RAB22A: variants seen among roughly 807,000 people sequenced by gnomAD.
The protein encoded by RAB22A is RAB22A, member RAS oncogene family.
A neutral mutation model predicts 30.2 loss-of-function variants in RAB22A; 13 were observed. The observed-to-expected ratio is 0.43, with a 90% CI of 0.28 to 0.68. The LOEUF is 0.68. Ranked by LOEUF, RAB22A falls within the 30% of genes least tolerant of loss-of-function variation. The probability of loss-of-function intolerance (pLI) is 0.18; values close to 1 mark genes in which losing one functional copy is unlikely to be tolerated. For synonymous variants in RAB22A, 89 were observed against 87.2 expected, an observed-to-expected ratio of 1.02 and a Z score of -0.11; for missense variants, 177 against 246.8, an observed-to-expected ratio of 0.72 and a Z score of 1.89.
Position 58,353,101 on chromosome 20 carries a change from A to G in RAB22A, c.199-172A>G, listed in dbSNP as rs114219009. ...CTGAGAGACATTTCAGTGTTACATT[A>G]AAAGTTTTTGCCTTTGGTAATTACT... On this transcript the variant is annotated intron_variant, in intron 3 of 6. Coordinates refer to ENST00000244040, the MANE Select transcript of RAB22A (RefSeq NM_020673.3). Among the ~76,000 whole-genome samples, 1,421 of 152,352 alleles carry G rather than the reference A, an allele frequency of 9.3e-3. 22 individuals are homozygous for G. Among genetic ancestry groups the G allele is most frequent in the Middle Eastern group, 0.031 (9 of 294 alleles).
rs148348144 is a variant in RAB22A, at chr20:58,339,471, T to C, written c.117-4247T>C. Among the ~76,000 whole-genome samples, 65 of 152,348 alleles carry C rather than the reference T, an allele frequency of 4.3e-4. No homozygotes were observed. The East Asian group carries it at 0.012, about 28-fold the overall frequency. ...TTGATCGTTAAAGGAGTGATCCTAG[T>C]GATCCTAGAGTTCTAGTGACAACGG... On this transcript the variant is annotated intron_variant, in intron 2 of 6. Transcript: ENST00000244040.
In RAB22A at chr20:58,309,752, C is replaced by A; in HGVS notation, c.-225C>A. On this transcript the variant is annotated 5_prime_UTR_variant, in exon 1 of 7. Transcript: ENST00000244040. ...CGGCGTCCCAAGATGGCGGCGGCGG[C>A]GGCTCCCGGAAGGCCGCGGCGGCGT... 3.7e-6 allele frequency: 1 copy of A among 273,352 alleles called. No homozygotes were observed. The allele number at this position is 273,352 out of a possible 1,614,324, so 16.9% of individuals were successfully genotyped here.
chr20:58,318,341 T>C (rs1260453939), intron 2 of RAB22A, among the ~76,000 whole-genome samples: 2 of 152,224 alleles, frequency 1.3e-5, no homozygotes, highest in African/African-American at 2.4e-5. Flanking sequence ...TAGCTATTCT[T>C]TCTAATTTTT....
At chr20:58,339,879 G>A (rs1168348996) in intron 2 of RAB22A, among the ~76,000 whole-genome samples, 1 of 152,196 alleles carries the variant, frequency 6.6e-6, no homozygotes, top group Non-Finnish European at 1.5e-5. Flanking sequence ...GGAATCCATT[G>A]TTGAGTCCTG....
intron 2 of RAB22A, among the ~76,000 whole-genome samples, chr20:58,326,565 C>T (rs183503783): frequency 6.6e-6 from 1 of 152,070 alleles, no homozygotes; most frequent in African/African-American, 2.4e-5. Flanking sequence ...GTCTATTCCT[C>T]CCCCTAGTTG....
intron 2 of RAB22A, among the ~76,000 whole-genome samples, chr20:58,343,189 G>A (rs1986886493): frequency 6.6e-6 from 1 of 152,156 alleles, no homozygotes; most frequent in African/African-American, 2.4e-5. Flanking sequence ...TCCCCTTGGT[G>A]CAGCTGTTAC....
chr20:58,361,018 CTTTCTGT>C lies in RAB22A; in HGVS notation c.*1318_*1324del, dbSNP rs1444955430. The C allele has an allele frequency of 2.6e-5, 4 of 152,558 alleles. No homozygotes were observed. Among genetic ancestry groups the C allele is most frequent in the Non-Finnish European group, 5.9e-5 (4 of 68,032 alleles). 9.5% of individuals were successfully genotyped at this position (152,558 alleles called of 1,614,324 possible). ...TTTCCTTGTTAACAATTTAGCTTATCTTTCTGTTTCCTTTATTTTTCCCCTGCCTCTG... is the reference window on the plus strand; with the variant it reads ...TTTCCTTGTTAACAATTTAGCTTATCTTCCTTTATTTTTCCCCTGCCTCTG... On this transcript the variant is annotated 3_prime_UTR_variant, in exon 7 of 7. Coordinates refer to ENST00000244040, the MANE Select transcript of RAB22A (RefSeq NM_020673.3).
chr20:58,359,513 T>TTA, intron 6 of RAB22A, 93 bp from the exon 7 acceptor site: 2 of 650,480 alleles, frequency 3.1e-6, no homozygotes, highest in Non-Finnish European at 4.8e-6. Context: ...TTTTTTTTTT[T>TTA]ACTTCAGTGA....
chr20:58,355,541 C>T (rs571700446), intron 6 of RAB22A, among the ~76,000 whole-genome samples: 2 of 152,188 alleles, frequency 1.3e-5, no homozygotes, highest in Non-Finnish European at 1.5e-5. Flanking sequence ...ATGATGTGCC[C>T]GGGCATGGTG....
chr20:58,357,080 C>G (rs571269761), intron 6 of RAB22A, among the ~76,000 whole-genome samples: 1 of 152,310 alleles, frequency 6.6e-6, no homozygotes, highest in East Asian at 1.9e-4. Context: ...GCATTCAGTA[C>G]AGCTTTACCG....
chr20:58,351,552 G>A (rs552641385), intron 3 of RAB22A, among the ~76,000 whole-genome samples: 3 of 152,206 alleles, frequency 2.0e-5, no homozygotes, highest in Admixed American at 1.3e-4. Flanking sequence ...GGTGGCTCAC[G>A]CCTGTAATCC....
intron 2 of RAB22A, among the ~76,000 whole-genome samples, chr20:58,317,173 T>C (rs556359317): frequency 6.6e-6 from 1 of 152,196 alleles, no homozygotes; most frequent in East Asian, 1.9e-4. Context: ...CTCGGCTCAC[T>C]GCAACCTCCG....
At position 58,360,251 on chromosome 20, in the gene RAB22A, TTTTCA is replaced by T. The variant is rs1193442997; in HGVS notation, c.*551_*555del. 6.6e-6 allele frequency: 1 copy of T among 152,658 alleles called. No individual in the cohort carries two copies. Among genetic ancestry groups the T allele is most frequent in the African/African-American group, 2.4e-5 (1 of 41,462 alleles). The allele number at this position is 152,658 out of a possible 1,614,324, so 9.5% of individuals were successfully genotyped here. On this transcript the variant is annotated 3_prime_UTR_variant, in exon 7 of 7. Transcript: ENST00000244040. ...TTCATCTCTGCCATCTCTAAAGCAC[TTTTCA>T]TTGAACATGTTAGCCTAGGATACGT...
At chr20:58,323,597 C>T (rs1962185978) in intron 2 of RAB22A, among the ~76,000 whole-genome samples, 1 of 150,642 alleles carries the variant, frequency 6.6e-6, no homozygotes, top group South Asian at 2.1e-4. Context: ...ATATTCCTAT[C>T]ACATTACAAA....
chr20:58,315,139 G>A (rs1487995602), intron 2 of RAB22A, among the ~76,000 whole-genome samples: 1 of 152,170 alleles, frequency 6.6e-6, no homozygotes, highest in African/African-American at 2.4e-5. Flanking sequence ...CTGCTTCTCA[G>A]TTGAAGCTCC....
intron 3 of RAB22A, among the ~76,000 whole-genome samples, chr20:58,350,824 T>C (rs1362497157): frequency 6.6e-6 from 1 of 152,214 alleles, no homozygotes; most frequent in Admixed American, 6.5e-5. Flanking sequence ...TAATAGCCAC[T>C]AGAAATGGCA....
intron 3 of RAB22A, among the ~76,000 whole-genome samples, chr20:58,344,867 CTGTTTT>C (rs1986919663): frequency 6.6e-6 from 1 of 152,160 alleles, no homozygotes; most frequent in African/African-American, 2.4e-5. Flanking sequence ...TTGGTTTCTT[CTGTTTT>C]TAACACTGGA....
At position 58,362,038 on chromosome 20, in the gene RAB22A, C is replaced by T. The variant is rs926492907; in HGVS notation, c.*2335C>T. The T allele has an allele frequency of 6.6e-6, 1 of 152,048 alleles. No individual in the cohort carries two copies. Among genetic ancestry groups the T allele is most frequent in the Non-Finnish European group, 1.5e-5 (1 of 68,006 alleles). 9.4% of individuals were successfully genotyped at this position (152,048 alleles called of 1,614,324 possible). A position where few individuals can be genotyped will look rare whatever the true frequency, so the allele number is the denominator to read the frequency against. ...AGGGTGTGATTCTGTTTTATTATAGCCACATGTTTTATTAACAGAATGAGT... is the reference window on the plus strand; with the variant it reads ...AGGGTGTGATTCTGTTTTATTATAGTCACATGTTTTATTAACAGAATGAGT... On this transcript the variant is annotated 3_prime_UTR_variant, in exon 7 of 7. Coordinates refer to ENST00000244040, the MANE Select transcript of RAB22A (RefSeq NM_020673.3).
chr20:58,365,457 T>TG lies in RAB22A; in HGVS notation c.*5755dup, dbSNP rs564217985. On this transcript the variant is annotated 3_prime_UTR_variant, in exon 7 of 7. Coordinates refer to ENST00000244040, the MANE Select transcript of RAB22A (RefSeq NM_020673.3). ...ATTAATTTTTAATTAAGTTTATACT[T>TG]GAATAATCAGTTTTACTCCTGAAAA... The TG allele has an allele frequency of 1.5e-4, 23 of 152,326 alleles. No homozygotes were observed. The East Asian group carries it at 4.1e-3, about 27-fold the overall frequency. The allele number at this position is 152,326 out of a possible 1,614,324, so 9.4% of individuals were successfully genotyped here.
Sources: allele counts gnomAD v4.1 joint callset (sites outside exome capture counted in the v4.1 genomes callset), GRCh38; gene constraint gnomAD v4.1.1; transcripts MANE v1.5; gene names NCBI Gene and HGNC (gene_info 2026-07-23, HGNC 2026-07-21).